Variants in FAR2 observed in about 807,000 individuals in gnomAD.
FAR2 encodes fatty acyl-CoA reductase 2.
A neutral mutation model predicts 56.0 loss-of-function variants in FAR2; 19 were observed. The observed-to-expected ratio is 0.34, with a 90% CI of 0.24 to 0.50. The LOEUF is 0.50. Among genes scored for constraint, FAR2 ranks in the 20% least tolerant of loss-of-function variants. The pLI is 0.98. For synonymous variants in FAR2, 219 were observed against 218.8 expected, an observed-to-expected ratio of 1.00 and a Z score of -0.01; for missense variants, 508 against 642.2, an observed-to-expected ratio of 0.79 and a Z score of 2.26.
At chr12:29,263,424 TA>T in intron 1 of FAR2, among the ~76,000 whole-genome samples, 1 of 152,110 alleles carries the variant, frequency 6.6e-6, no homozygotes, top group Middle Eastern at 3.4e-3. Context: ...TAAAACATTT[TA>T]AAAAATGGAA....
chr12:29,243,022 C>T (rs1948063954), intron 1 of FAR2, among the ~76,000 whole-genome samples: 1 of 152,192 alleles, frequency 6.6e-6, no homozygotes, highest in Non-Finnish European at 1.5e-5. Context: ...AACATTTTAG[C>T]AGAGACTCAA....
At chr12:29,290,858 G>C (rs1948953490) in intron 2 of FAR2, among the ~76,000 whole-genome samples, 1 of 152,156 alleles carries the variant, frequency 6.6e-6, no homozygotes, top group African/African-American at 2.4e-5. Flanking sequence ...GGCTGGGAAG[G>C]CAAGTGGGAG....
chr12:29,315,795 T>C lies in FAR2; in HGVS notation c.956-1046T>C, dbSNP rs558520962. On this transcript the variant is annotated intron_variant, in intron 8 of 11. Coordinates refer to ENST00000536681, the MANE Select transcript of FAR2 (RefSeq NM_001271783.2). ...ATTAGTGAAGAAGCAAGTTTGTGTA[T>C]GCATTGGGAAGGGGGTGGTTGGTAG... is the stretch of plus-strand genomic sequence containing the variant. Among the ~76,000 whole-genome samples the C allele has an allele frequency of 1.6e-4, 24 of 152,266 alleles. 1 individual carries two copies. Among genetic ancestry groups the C allele is most frequent in the African/African-American group, 5.5e-4 (23 of 41,550 alleles).
At chr12:29,303,553 G>A (rs1024181130) in intron 4 of FAR2, among the ~76,000 whole-genome samples, 1 of 152,190 alleles carries the variant, frequency 6.6e-6, no homozygotes, top group Non-Finnish European at 1.5e-5. Context: ...TGTGCACTGA[G>A]GGTGCAGGTG....
At position 29,310,802 on chromosome 12, in the gene FAR2, G is replaced by A. The variant is rs147955373; in HGVS notation, c.769-226G>A. On this transcript the variant is annotated intron_variant, in intron 6 of 11. Transcript: ENST00000536681. ...GAGGAATTTTATTCCCTAAAGGAAC[G>A]TGAGGAACACTAGTAGTTCATGAAA... 3.5e-4 allele frequency among the ~76,000 whole-genome samples: 53 copies of A among 152,208 alleles called. 1 individual carries two copies. The East Asian group carries it at 8.9e-3, about 26-fold the overall frequency.
intron 1 of FAR2, among the ~76,000 whole-genome samples, chr12:29,195,892 C>T (rs1434302182): frequency 6.6e-6 from 1 of 152,072 alleles, no homozygotes; most frequent in Admixed American, 6.6e-5. Context: ...GTCTATCATT[C>T]CACTCTGTAT....
chr12:29,312,241 G>A (rs1474470831), intron 8 of FAR2, among the ~76,000 whole-genome samples: 1 of 152,118 alleles, frequency 6.6e-6, no homozygotes, highest in African/African-American at 2.4e-5. Context: ...TATAAAGAAT[G>A]TCAGTGATAA....
At chr12:29,249,796 T>C (rs1591890366) in intron 1 of FAR2, among the ~76,000 whole-genome samples, 1 of 152,200 alleles carries the variant, frequency 6.6e-6, no homozygotes, top group Non-Finnish European at 1.5e-5. Context: ...CAACACAGGC[T>C]TATATTAAGG....
chr12:29,318,167 T>C (rs1949486859), intron 9 of FAR2, among the ~76,000 whole-genome samples: 1 of 152,260 alleles, frequency 6.6e-6, no homozygotes. Context: ...CTTCAGCGTG[T>C]TTGTCATCTT....
In FAR2 at chr12:29,334,002, G is replaced by T; in HGVS notation, c.*208G>T. ...CTAGCCCATAGTCACCTATATTTTA[G>T]GGAAAAAAATCCAAATTGTTTCCTA... On this transcript the variant is annotated 3_prime_UTR_variant, in exon 12 of 12. Coordinates refer to ENST00000536681, the MANE Select transcript of FAR2 (RefSeq NM_001271783.2). 4.7e-6 allele frequency: 2 copies of T among 422,292 alleles called. No homozygotes were observed. Among genetic ancestry groups the T allele is most frequent in the Non-Finnish European group, 8.2e-6 (2 of 244,290 alleles). 26.2% of individuals were successfully genotyped at this position (422,292 alleles called of 1,614,324 possible). A position where few individuals can be genotyped will look rare whatever the true frequency, so the allele number is the denominator to read the frequency against.
Position 29,172,650 on chromosome 12 carries a change from A to G in FAR2, c.-39+23243A>G, listed in dbSNP as rs536473214. Among the ~76,000 whole-genome samples the G allele has an allele frequency of 5.7e-4, 87 of 152,206 alleles. 1 individual carries two copies. Among genetic ancestry groups the G allele is most frequent in the Admixed American group, 9.8e-4 (15 of 15,292 alleles). On this transcript the variant is annotated intron_variant, in intron 1 of 11. Transcript: ENST00000536681. ...GGCTCACTTTTGGAGCTTTCTCCTG[A>G]TATATGCAGCTGATTGGGTAATAAA... is the stretch of plus-strand genomic sequence containing the variant.
intron 4 of FAR2, among the ~76,000 whole-genome samples, chr12:29,301,056 C>A (rs1036236908): frequency 6.6e-6 from 1 of 152,170 alleles, no homozygotes; most frequent in African/African-American, 2.4e-5. Flanking sequence ...ATCCTGTATG[C>A]TGAGACTGTC....
intron 4 of FAR2, among the ~76,000 whole-genome samples, chr12:29,300,926 G>A (rs77421351): frequency 0.035 from 5,364 of 152,238 alleles, 312 homozygotes; most frequent in African/African-American, 0.12. Flanking sequence ...TTGGGCAGCA[G>A]TGGTACTGCT....
Position 29,297,010 on chromosome 12 carries a change from A to C in FAR2, c.366-11A>C, listed in dbSNP as rs2136758423. 6.3e-7 allele frequency: 1 copy of C among 1,583,534 alleles called. No homozygotes were observed. Among genetic ancestry groups the C allele is most frequent in the South Asian group, 1.2e-5 (1 of 85,466 alleles). ...ACTTCATTGTATTTCCTTCTGCTTA[A>C]TCTTCTCTAGACATGCTGTGCAACT... is the stretch of plus-strand genomic sequence containing the variant. On this transcript the variant is annotated splice_polypyrimidine_tract_variant and intron_variant, in intron 3 of 11. Coordinates refer to ENST00000536681, the MANE Select transcript of FAR2 (RefSeq NM_001271783.2).
intron 1 of FAR2, chr12:29,151,296 T>C (rs1591818977): frequency 6.6e-6 from 1 of 152,244 alleles, no homozygotes; most frequent in South Asian, 2.1e-4. Context: ...TGTATTACCT[T>C]TGAAGAGGGT....
intron 1 of FAR2, among the ~76,000 whole-genome samples, chr12:29,215,376 T>C (rs972733604): frequency 1.3e-5 from 2 of 152,168 alleles, no homozygotes; most frequent in African/African-American, 4.8e-5. Flanking sequence ...TGTAAGAAGA[T>C]GAGTGAATGA....
intron 1 of FAR2, among the ~76,000 whole-genome samples, chr12:29,265,199 A>C (rs1948493412): frequency 6.6e-6 from 1 of 152,226 alleles, no homozygotes; most frequent in Non-Finnish European, 1.5e-5. Flanking sequence ...ATGGAACCAC[A>C]AAAGACCCAG....
Position 29,229,511 on chromosome 12 carries a change from A to G in FAR2, c.-38-40901A>G, listed in dbSNP as rs79397316. On this transcript the variant is annotated intron_variant, in intron 1 of 11. Coordinates refer to ENST00000536681, the MANE Select transcript of FAR2 (RefSeq NM_001271783.2). Reference sequence around the variant, plus strand: ...AGCTTTAGGTCTGTTTTTAAAAAAGAAACTAAAGAAAAAAAAAGACCAAAT... The same window carrying G: ...AGCTTTAGGTCTGTTTTTAAAAAAGGAACTAAAGAAAAAAAAAGACCAAAT... 4.0e-3 allele frequency among the ~76,000 whole-genome samples: 606 copies of G among 152,162 alleles called. 18 individuals carry two copies. The East Asian group carries it at 0.08, about 20-fold the overall frequency.
At chr12:29,276,986 T>C (rs1948711354) in intron 2 of FAR2, among the ~76,000 whole-genome samples, 1 of 152,092 alleles carries the variant, frequency 6.6e-6, no homozygotes, top group South Asian at 2.1e-4. Context: ...AAAATATTTA[T>C]TTATTTTGAG....
Sources: allele counts gnomAD v4.1 joint callset (sites outside exome capture counted in the v4.1 genomes callset), GRCh38; gene constraint gnomAD v4.1.1; transcripts MANE v1.5; gene names NCBI Gene and HGNC (gene_info 2026-07-23, HGNC 2026-07-21).